The following ASIC2 variants were observed in gnomAD, a reference collection of about 807,000 sequenced individuals.
ASIC2 encodes acid-sensing ion channel 2.
Under a neutral mutation model 57.3 loss-of-function variants are expected in ASIC2, and 25 were observed. The observed-to-expected ratio is 0.44, with a 90% CI of 0.32 to 0.61. The LOEUF (loss-of-function observed/expected upper bound fraction) is 0.61. Ranked by LOEUF, ASIC2 falls within the 20% of genes least tolerant of loss-of-function variation. The pLI is 0.06. For synonymous variants in ASIC2, 319 were observed against 307.5 expected (o/e 1.04, Z -0.39); for missense variants, 641 against 738.1 (o/e 0.87, Z 1.52).
At chr17:33,436,352 G>A (rs933453536) in intron 1 of ASIC2, among the ~76,000 whole-genome samples, 4 of 152,162 alleles carry the variant, frequency 2.6e-5, no homozygotes, top group African/African-American at 9.7e-5. Context: ...TGTGGCCAGA[G>A]GTCACAAGAT....
Position 33,643,793 on chromosome 17 carries a change from T to C in ASIC2, c.555+512185A>G, listed in dbSNP as rs561589925. On this transcript the variant is annotated intron_variant, in intron 1 of 9. Coordinates refer to the ASIC2 transcript ENST00000359872. ...AACAAGAGAGTTAGAGTGTAAAGCA[T>C]TGACTTGGGGCCTGCATGTAGTAGG... 3.3e-5 allele frequency among the ~76,000 whole-genome samples: 5 copies of C among 152,302 alleles called. No individual in the cohort carries two copies. The South Asian group carries it at 1.0e-3, about 32-fold the overall frequency.
intron 1 of ASIC2, among the ~76,000 whole-genome samples, chr17:33,638,481 T>C (rs1269591591): frequency 6.6e-6 from 1 of 152,230 alleles, no homozygotes; most frequent in African/African-American, 2.4e-5. Context: ...CTCTGATCGA[T>C]GAGTGTTGTC....
chr17:33,709,731 T>C (rs1908968873), intron 1 of ASIC2, among the ~76,000 whole-genome samples: 1 of 152,218 alleles, frequency 6.6e-6, no homozygotes, highest in African/African-American at 2.4e-5. Context: ...CAGTAGCTTT[T>C]GCATTGGGGG....
chr17:33,457,356 T>A (rs1215422228), intron 1 of ASIC2, among the ~76,000 whole-genome samples: 3 of 152,104 alleles, frequency 2.0e-5, no homozygotes, highest in African/African-American at 7.2e-5. Context: ...TTGAGTCTAT[T>A]TACTGAGTGT....
At chr17:33,672,985 G>T (rs79881632) in intron 1 of ASIC2, among the ~76,000 whole-genome samples, 2 of 152,254 alleles carry the variant, frequency 1.3e-5, no homozygotes, top group South Asian at 4.1e-4. Context: ...ATAACGCCCA[G>T]CATGTAGCAA....
intron 1 of ASIC2, among the ~76,000 whole-genome samples, chr17:33,468,712 T>G (rs1014067619): frequency 6.6e-6 from 1 of 151,708 alleles, no homozygotes; most frequent in Non-Finnish European, 1.5e-5. Flanking sequence ...ACTTCTCACT[T>G]AAACAGGTGA....
At chr17:34,148,494 A>G (rs1367736326) in intron 1 of ASIC2, among the ~76,000 whole-genome samples, 5 of 152,212 alleles carry the variant, frequency 3.3e-5, no homozygotes, top group African/African-American at 4.8e-5. Context: ...CCTAAGGAAT[A>G]TGAAAAATCA....
chr17:34,075,441 T>A (rs1181202668), intron 1 of ASIC2, among the ~76,000 whole-genome samples: 2 of 152,206 alleles, frequency 1.3e-5, no homozygotes, highest in African/African-American at 4.8e-5. Context: ...TTTCAAACAC[T>A]TTTTAAGTTG....
intron 3 of ASIC2, among the ~76,000 whole-genome samples, chr17:33,078,644 C>T (rs1480183257): frequency 6.6e-6 from 1 of 152,110 alleles, no homozygotes; most frequent in Non-Finnish European, 1.5e-5. Context: ...TGCTATGTTG[C>T]CCAGGCTGGT....
rs375840044 is a variant in ASIC2 at position 33,136,142 on chromosome 17, C to G, written c.709-24075G>C. Among the ~76,000 whole-genome samples, 57 of 152,324 alleles carry G rather than the reference C, an allele frequency of 3.7e-4. No homozygotes were observed. The South Asian group carries it at 5.0e-3, about 13-fold the overall frequency. On this transcript the variant is annotated intron_variant, in intron 1 of 9. Transcript: ENST00000225823. ...TCCCGTGTGCACGTGTGTTTGCATA[C>G]ATGTACTGGGGGTGTGGATGTGTCT...
chr17:33,358,962 G>C (rs1443890553), intron 1 of ASIC2, among the ~76,000 whole-genome samples: 1 of 152,188 alleles, frequency 6.6e-6, no homozygotes, highest in African/African-American at 2.4e-5. Context: ...AAATCATGTG[G>C]AGAACTTTTA....
At chr17:33,762,918 A>C (rs894423071) in intron 1 of ASIC2, among the ~76,000 whole-genome samples, 3 of 152,210 alleles carry the variant, frequency 2.0e-5, no homozygotes, top group African/African-American at 7.2e-5. Context: ...CTCCTGTCAG[A>C]TACTTTTCTG....
At chr17:34,000,294 C>T (rs1906297392) in intron 1 of ASIC2, among the ~76,000 whole-genome samples, 1 of 132,378 alleles carries the variant, frequency 7.6e-6, no homozygotes, top group Non-Finnish European at 1.5e-5. Flanking sequence ...TCTTTTTGAC[C>T]AGGCTGGAGT....
chr17:33,055,380 G>A (rs1178621827), intron 3 of ASIC2, among the ~76,000 whole-genome samples: 2 of 151,784 alleles, frequency 1.3e-5, no homozygotes, highest in African/African-American at 4.9e-5. Flanking sequence ...TTCCTCAACT[G>A]TCGCTTCTGG....
intron 1 of ASIC2, among the ~76,000 whole-genome samples, chr17:33,802,824 C>G (rs1047251209): frequency 6.6e-6 from 1 of 152,246 alleles, no homozygotes. Context: ...GCCAACCTTC[C>G]CTCTTGTGTG....
rs1907858667 is a variant in ASIC2 at position 33,677,367 on chromosome 17, AG to A, written c.555+478610del. Among the ~76,000 whole-genome samples, 4 of 152,232 alleles carry A rather than the reference AG, an allele frequency of 2.6e-5. No homozygotes were observed. In the South Asian group the frequency reaches 8.3e-4, roughly 32 times the overall value. ...CATTTTGAAAATCCTGGGACCCTTA[AG>A]AACATCTATTCTGCGCCCATGGATC... On this transcript the variant is annotated intron_variant, in intron 1 of 9. Coordinates refer to the ASIC2 transcript ENST00000359872.
At chr17:33,443,482 C>T (rs191178502) in intron 1 of ASIC2, among the ~76,000 whole-genome samples, 9,551 of 130,458 alleles carry the variant, frequency 0.073, 427 homozygotes, top group Middle Eastern at 0.14. Flanking sequence ...GGCGGGATCT[C>T]GGCTCACTGC....
At chr17:33,889,698 G>A (rs959722406) in intron 1 of ASIC2, among the ~76,000 whole-genome samples, 1 of 152,182 alleles carries the variant, frequency 6.6e-6, no homozygotes, top group African/African-American at 2.4e-5. Flanking sequence ...AGCGTCCATT[G>A]TTAGGTTGGG....
At chr17:33,153,763 T>C (rs1489232013) in intron 1 of ASIC2, among the ~76,000 whole-genome samples, 1 of 152,192 alleles carries the variant, frequency 6.6e-6, no homozygotes, top group African/African-American at 2.4e-5. Flanking sequence ...CCTTAGGGAC[T>C]GCATTAGGCT....
Sources: allele counts gnomAD v4.1 joint callset (sites outside exome capture counted in the v4.1 genomes callset), GRCh38; gene constraint gnomAD v4.1.1; transcripts MANE v1.5; gene names NCBI Gene and HGNC (gene_info 2026-07-23, HGNC 2026-07-21).